CTDP1: variants seen among roughly 807,000 people sequenced by gnomAD.
CTDP1 encodes CTD phosphatase 1, also known as RNA polymerase II subunit A C-terminal domain phosphatase.
CTDP1 carries 47 observed loss-of-function variants against 91.8 expected under a neutral mutation model. That is an observed-to-expected ratio of 0.51 (90% CI 0.41 to 0.65). CTDP1 has a LOEUF of 0.65. Ranked by LOEUF, CTDP1 falls within the 30% of genes least tolerant of loss-of-function variation. The pLI is 0.00. For missense variants in CTDP1, 1,272 were observed against 1,373.7 expected, an observed-to-expected ratio of 0.93 and a Z score of 1.17; for synonymous variants, 656 against 598.5, an observed-to-expected ratio of 1.10 and a Z score of -1.40.
At chr18:79,722,581 C>T (rs8082862) in intron 10 of CTDP1, among the ~76,000 whole-genome samples, 19,453 of 152,178 alleles carry the variant, frequency 0.13, 1,656 homozygotes, top group Non-Finnish European at 0.19. Context: ...GCTGCAGCAG[C>T]GGGCCCCCTG....
intron 12 of CTDP1, among the ~76,000 whole-genome samples, chr18:79,745,036 C>T (rs1169753485): frequency 6.6e-6 from 1 of 152,148 alleles, no homozygotes; most frequent in Non-Finnish European, 1.5e-5. Context: ...GGGTACCAGG[C>T]CACTCCATGG....
At chr18:79,679,221 C>T (rs1266118987), upstream of CTDP1, 1 of 346,072 alleles carries the variant, frequency 2.9e-6, no homozygotes, top group African/African-American at 2.2e-5. Flanking sequence ...CCTGCGCTTC[C>T]GCATCGAAGG....
chr18:79,725,923 C>T (rs1043436490), intron 10 of CTDP1, among the ~76,000 whole-genome samples: 1 of 152,206 alleles, frequency 6.6e-6, no homozygotes, highest in African/African-American at 2.4e-5. Context: ...GCTGTGTTTT[C>T]TCTTTCACTG....
rs2122321401 is a variant in CTDP1 at position 79,680,067 on chromosome 18, C to T, written c.120C>T (p.Gly40=). Residue 40 remains glycine (G), a synonymous_variant, in exon 1 of 13, where the codon GGC becomes GGT. Coordinates refer to ENST00000613122, the MANE Select transcript of CTDP1 (RefSeq NM_004715.5). The part of the protein sequence containing the change: ...LRLLEWRVAA[G]AAVRIGSVLA... ...TGCTGGAGTGGAGGGTGGCGGCGGG[C>T]GCGGCCGTGCGCATCGGCTCGGTGC... 4.8e-6 allele frequency: 6 copies of T among 1,255,712 alleles called. No individual in the cohort carries two copies. The highest frequency in any genetic ancestry group is 6.7e-5 in the East Asian group (2 of 29,876). The allele number at this position is 1,255,712 out of a possible 1,614,324, so 77.8% of individuals were successfully genotyped here.
chr18:79,723,536 G>A (rs1002824974), intron 10 of CTDP1, among the ~76,000 whole-genome samples: 3 of 152,206 alleles, frequency 2.0e-5, no homozygotes, highest in African/African-American at 7.2e-5. Flanking sequence ...GGGCTGGCAG[G>A]CTGGCTCACT....
At chr18:79,728,614 G>A (rs1292258665) in intron 10 of CTDP1, among the ~76,000 whole-genome samples, 1 of 115,844 alleles carries the variant, frequency 8.6e-6, no homozygotes, top group Non-Finnish European at 2.0e-5. Context: ...TAAGATGCCA[G>A]AGCCTGGCAG....
intron 12 of CTDP1, among the ~76,000 whole-genome samples, chr18:79,749,360 C>A (rs1368344604): frequency 1.3e-5 from 2 of 151,994 alleles, no homozygotes; most frequent in African/African-American, 4.8e-5. Context: ...GCCCCTGATA[C>A]GTCCAACCCA....
chr18:79,718,043 C>G lies in CTDP1; in HGVS notation c.2417+27C>G, dbSNP rs374593849. On this transcript the variant is annotated intron_variant, in intron 10 of 12. Coordinates refer to ENST00000613122, the MANE Select transcript of CTDP1 (RefSeq NM_004715.5). ...TACGTGGCGGCCCAGCCACTGTCCC[C>G]AGCTAATGAGGGCTCTTCAAGCTTG... 274 of 1,610,890 alleles carry G rather than the reference C, an allele frequency of 1.7e-4. 4 individuals are homozygous for G. Among genetic ancestry groups the G allele is most frequent in the Middle Eastern group, 1.3e-3 (8 of 6,062 alleles).
At chr18:79,728,390 G>A (rs539131342) in intron 10 of CTDP1, among the ~76,000 whole-genome samples, 3 of 152,304 alleles carry the variant, frequency 2.0e-5, no homozygotes, top group Non-Finnish European at 2.9e-5. Context: ...ATGAGCCACC[G>A]TGCTGACCTG....
intron 12 of CTDP1, among the ~76,000 whole-genome samples, chr18:79,744,834 G>T (rs1599317073): frequency 6.6e-6 from 1 of 152,168 alleles, no homozygotes; most frequent in Non-Finnish European, 1.5e-5. Context: ...CCCCTGGAGG[G>T]GCCACAGACC....
intron 11 of CTDP1, among the ~76,000 whole-genome samples, chr18:79,732,719 T>C (rs2086590560): frequency 6.7e-6 from 1 of 149,660 alleles, no homozygotes; most frequent in Non-Finnish European, 1.5e-5. Flanking sequence ...ACATCAGGAG[T>C]GCTCCCAAAA....
At chr18:79,744,238 G>A (rs551190740) in intron 12 of CTDP1, among the ~76,000 whole-genome samples, 41 of 152,282 alleles carry the variant, frequency 2.7e-4, no homozygotes, top group East Asian at 3.9e-4. Context: ...AAACAGAGCC[G>A]TGCCCCGACC....
In CTDP1 at chr18:79,680,172, C is replaced by T. The variant is rs775939813; in HGVS notation, c.225C>T (p.Arg75=). ...QSRVASGGCV[R]PARPERRLRS... is the part of the protein sequence containing the mutation. ...GTGTAGCCTCCGGGGGCTGCGTGCG[C>T]CCCGCGCGGCCGGAACGCAGGCTGA... is the stretch of plus-strand genomic sequence containing the variant. Residue 75 remains arginine (R), a synonymous_variant, in exon 1 of 13, where the codon CGC becomes CGT. Transcript: ENST00000613122. 145 of 1,385,346 alleles carry T rather than the reference C, an allele frequency of 1.0e-4. No individual in the cohort carries two copies. The African/African-American group carries it at 2.0e-3, about 19-fold the overall frequency. The allele number at this position is 1,385,346 out of a possible 1,614,324, so 85.8% of individuals were successfully genotyped here. A position where few individuals can be genotyped will look rare whatever the true frequency, so the allele number is the denominator to read the frequency against.
intron 12 of CTDP1, among the ~76,000 whole-genome samples, chr18:79,746,662 G>A (rs1044728471): frequency 6.6e-6 from 1 of 152,232 alleles, no homozygotes; most frequent in African/African-American, 2.4e-5. Flanking sequence ...TGTTGCCTGG[G>A]CTGGAGTGCA....
At chr18:79,722,841 G>A (rs1388820426) in intron 10 of CTDP1, among the ~76,000 whole-genome samples, 2 of 152,370 alleles carry the variant, frequency 1.3e-5, no homozygotes, top group East Asian at 3.9e-4. Context: ...GTTCTGCGGG[G>A]CCTTCGTGCT....
chr18:79,728,484 T>G (rs2086496710), intron 10 of CTDP1, among the ~76,000 whole-genome samples: 1 of 152,154 alleles, frequency 6.6e-6, no homozygotes, highest in African/African-American at 2.4e-5. Flanking sequence ...CTGGAGATGT[T>G]GCATTTTCTT....
chr18:79,694,632 G>A (rs560346902), intron 1 of CTDP1, among the ~76,000 whole-genome samples: 4 of 151,640 alleles, frequency 2.6e-5, no homozygotes, highest in African/African-American at 9.7e-5. Flanking sequence ...GGGTGGGAGT[G>A]TGGGGGCTGA....
At chr18:79,736,629 C>G (rs1478644796) in intron 12 of CTDP1, 108 bp downstream of exon 12, 5 of 1,146,194 alleles carry the variant, frequency 4.4e-6, no homozygotes, top group South Asian at 3.2e-5. Flanking sequence ...CTCCACCATT[C>G]TGTGTGTGAC....
intron 12 of CTDP1, among the ~76,000 whole-genome samples, chr18:79,741,375 G>T (rs183711509): frequency 3.9e-5 from 6 of 152,332 alleles, no homozygotes; most frequent in Admixed American, 6.5e-5. Flanking sequence ...TCTTTCTTCA[G>T]ATCATTCCTA....
Sources: gnomAD v4.1 joint callset for allele counts (sites outside exome capture counted in the v4.1 genomes callset) on GRCh38, gnomAD v4.1.1 for gene constraint, MANE v1.5 for transcripts, NCBI Gene and HGNC (gene_info 2026-07-23, HGNC 2026-07-21) for gene names.